YPEL2: variants seen among roughly 807,000 people sequenced by gnomAD.
The protein encoded by YPEL2 is protein yippee-like 2.
In YPEL2, 2 loss-of-function variants were observed where a neutral mutation model predicts 19.1. That is an observed-to-expected ratio of 0.10 (90% CI 0.04 to 0.33). The LOEUF is 0.33. Ranked by LOEUF, YPEL2 falls within the 10% of genes least tolerant of loss-of-function variation. The probability of loss-of-function intolerance (pLI) is 1.00; values close to 1 mark genes in which losing one functional copy is unlikely to be tolerated. For missense variants in YPEL2, 66 were observed against 140.7 expected (o/e 0.47, Z 2.68); for synonymous variants, 52 against 50.0 (o/e 1.04, Z -0.17).
At chr17:59,385,551 C>T (rs963514855) in intron 2 of YPEL2, among the ~76,000 whole-genome samples, 1 of 152,136 alleles carries the variant, frequency 6.6e-6, no homozygotes, top group South Asian at 2.1e-4. Context: ...ACACTCCAGC[C>T]TGGGTGACAG....
In YPEL2 at chr17:59,341,352, A is replaced by G. The variant is rs529787446; in HGVS notation, c.-196+9528A>G. Among the ~76,000 whole-genome samples, 4 of 144,958 alleles carry G rather than the reference A, an allele frequency of 2.8e-5. No homozygotes were observed. The South Asian group carries it at 6.6e-4, about 24-fold the overall frequency. Reference sequence around the variant, plus strand: ...GCTTGCAATGAGCGGAGATCGCACCACTGCACTCCAGCCTGGGCTACAGAG... The same window carrying G: ...GCTTGCAATGAGCGGAGATCGCACCGCTGCACTCCAGCCTGGGCTACAGAG... On this transcript the variant is annotated intron_variant, in intron 1 of 4. Transcript: ENST00000312655.
At chr17:59,336,438 A>G (rs1054203864) in intron 1 of YPEL2, among the ~76,000 whole-genome samples, 12 of 152,222 alleles carry the variant, frequency 7.9e-5, no homozygotes, top group Non-Finnish European at 1.8e-4. Context: ...CATTTCATTA[A>G]TACCAGGAGG....
chr17:59,370,590 T>C (rs527634924), intron 2 of YPEL2, among the ~76,000 whole-genome samples: 5 of 152,308 alleles, frequency 3.3e-5, no homozygotes, highest in South Asian at 2.1e-4. Flanking sequence ...AGCCCTTCCA[T>C]TGGTCCTTCT....
intron 4 of YPEL2, among the ~76,000 whole-genome samples, chr17:59,396,606 C>T (rs1199390195): frequency 6.6e-6 from 1 of 152,108 alleles, no homozygotes; most frequent in Non-Finnish European, 1.5e-5. Flanking sequence ...TGCCTCAGTT[C>T]TGCAGCTAAG....
At chr17:59,378,968 G>A (rs2047935743) in intron 2 of YPEL2, among the ~76,000 whole-genome samples, 1 of 152,166 alleles carries the variant, frequency 6.6e-6, no homozygotes, top group Non-Finnish European at 1.5e-5. Context: ...CATATACAGT[G>A]GCTTTGTTCT....
In YPEL2 at chr17:59,398,095, A is replaced by G. The variant is rs1431895216; in HGVS notation, c.*905A>G. The G allele has an allele frequency of 6.6e-6, 1 of 152,276 alleles. No individual in the cohort carries two copies. The highest frequency in any genetic ancestry group is 1.5e-5 in the Non-Finnish European group (1 of 68,064). 9.4% of individuals were successfully genotyped at this position (152,276 alleles called of 1,614,324 possible). A position where few individuals can be genotyped will look rare whatever the true frequency, so the allele number is the denominator to read the frequency against. On this transcript the variant is annotated 3_prime_UTR_variant, in exon 5 of 5. Transcript: ENST00000312655. ...CTGCAGTTTGGGAGCTCCTGAAGAA[A>G]TGGCTCAGATATTGAGTCAGAGAAA... is the stretch of plus-strand genomic sequence containing the variant.
chr17:59,375,869 A>G (rs2047917996), intron 2 of YPEL2, among the ~76,000 whole-genome samples: 2 of 152,322 alleles, frequency 1.3e-5, no homozygotes, highest in African/African-American at 4.8e-5. Context: ...CCTTCATCAG[A>G]GAGACAGACT....
Position 59,398,258 on chromosome 17 carries a change from A to G in YPEL2, c.*1068A>G, listed in dbSNP as rs117271053. ...ATTGGAACCAGTTCAGGTTCGGTGC[A>G]TCTTTCCTCTTCGGTTTTACAGTGG... On this transcript the variant is annotated 3_prime_UTR_variant, in exon 5 of 5. Transcript: ENST00000312655. 4.6e-3 allele frequency: 706 copies of G among 152,392 alleles called. 9 individuals are homozygous for G. The Middle Eastern group carries it at 0.051, about 11-fold the overall frequency. The allele number at this position is 152,392 out of a possible 1,614,324, so 9.4% of individuals were successfully genotyped here. A position where few individuals can be genotyped will look rare whatever the true frequency, so the allele number is the denominator to read the frequency against.
At chr17:59,367,216 G>A (rs886179032) in intron 2 of YPEL2, among the ~76,000 whole-genome samples, 2 of 152,146 alleles carry the variant, frequency 1.3e-5, no homozygotes, top group Non-Finnish European at 2.9e-5. Flanking sequence ...AGGTCCCTGT[G>A]TGCCTCTGAC....
chr17:59,396,847 A>G (rs1360709737), intron 4 of YPEL2, among the ~76,000 whole-genome samples: 2 of 152,280 alleles, frequency 1.3e-5, no homozygotes, highest in South Asian at 4.1e-4. Context: ...CCTGTCCAAC[A>G]TGGTGAAACC....
At chr17:59,383,606 A>ATT (rs2047964572) in intron 2 of YPEL2, among the ~76,000 whole-genome samples, 2 of 34,292 alleles carry the variant, frequency 5.8e-5, no homozygotes, top group Admixed American at 7.7e-4. Flanking sequence ...AAAAAAAAAA[A>ATT]AAAATATATA....
At chr17:59,387,215 C>T (rs1049626818) in intron 2 of YPEL2, among the ~76,000 whole-genome samples, 1 of 139,630 alleles carries the variant, frequency 7.2e-6, no homozygotes, top group Non-Finnish European at 1.5e-5. Context: ...GCCAAGATCG[C>T]GCAACTGCAC....
chr17:59,342,637 C>T (rs930710), intron 1 of YPEL2, among the ~76,000 whole-genome samples: 47,772 of 151,892 alleles, frequency 0.31, 7,799 homozygotes, highest in South Asian at 0.41. Context: ...CCAGGATTAT[C>T]ATCTCTGAGC....
At chr17:59,397,078 T>C in intron 4 of YPEL2, 23 bp from the exon 5 acceptor site, 2 of 1,580,828 alleles carry the variant, frequency 1.3e-6, no homozygotes, top group South Asian at 2.3e-5. Context: ...TCAGTATCTC[T>C]TCTCTGCTTC....
chr17:59,347,663 A>G (rs796976831), intron 1 of YPEL2, among the ~76,000 whole-genome samples: 33 of 152,336 alleles, frequency 2.2e-4, no homozygotes, highest in African/African-American at 7.9e-4. Context: ...ATACTAACGC[A>G]TGCCTGTGGT....
At chr17:59,384,720 G>A (rs955139072) in intron 2 of YPEL2, among the ~76,000 whole-genome samples, 7 of 152,188 alleles carry the variant, frequency 4.6e-5, no homozygotes, top group African/African-American at 9.7e-5. Flanking sequence ...GTTGTCTGGG[G>A]GTTTGTCTTG....
rs113191556 is a variant in YPEL2, at chr17:59,396,961, G to A, written c.271-140G>A. The A allele has an allele frequency of 1.9e-3, 1,009 of 525,974 alleles. 6 individuals carry two copies. Among genetic ancestry groups the A allele is most frequent in the South Asian group, 5.2e-3 (195 of 37,672 alleles). 32.6% of individuals were successfully genotyped at this position (525,974 alleles called of 1,614,324 possible). ...CAGGAGAATCGCTCGAACCTGGGAG[G>A]CGGAGATTGCAGTGAGTGGAGATTG... On this transcript the variant is annotated intron_variant, in intron 4 of 4. Coordinates refer to ENST00000312655, the MANE Select transcript of YPEL2 (RefSeq NM_001005404.4).
rs368721391 is a variant in YPEL2 at position 59,357,775 on chromosome 17, G to A, written c.117+4249G>A. ...TTTGCCTCCCTCCTGCCAACCCCTTGATGGCATTGTGGAGTAGGCCATTTA... is the reference window on the plus strand; with the variant it reads ...TTTGCCTCCCTCCTGCCAACCCCTTAATGGCATTGTGGAGTAGGCCATTTA... On this transcript the variant is annotated intron_variant, in intron 2 of 4. Coordinates refer to ENST00000312655, the MANE Select transcript of YPEL2 (RefSeq NM_001005404.4). Among the ~76,000 whole-genome samples the A allele has an allele frequency of 4.6e-5, 7 of 152,166 alleles. No homozygotes were observed. In the South Asian group the frequency reaches 8.3e-4, roughly 18 times the overall value.
At chr17:59,385,214 G>T (rs1207313642) in intron 2 of YPEL2, among the ~76,000 whole-genome samples, 2 of 152,164 alleles carry the variant, frequency 1.3e-5, no homozygotes, top group South Asian at 2.1e-4. Context: ...AAAGAATTGT[G>T]CTGAGTGAAA....
Sources: allele counts gnomAD v4.1 joint callset (sites outside exome capture counted in the v4.1 genomes callset), GRCh38; gene constraint gnomAD v4.1.1; transcripts MANE v1.5; gene names NCBI Gene and HGNC (gene_info 2026-07-23, HGNC 2026-07-21).